TRIM37: variants seen among roughly 807,000 people sequenced by gnomAD.
The protein encoded by TRIM37 is tripartite motif containing 37.
In TRIM37, 80 loss-of-function variants were observed where a neutral mutation model predicts 129.8. That is an observed-to-expected ratio of 0.62 (90% CI 0.51 to 0.74). The LOEUF (loss-of-function observed/expected upper bound fraction) is 0.74. Among genes scored for constraint, TRIM37 ranks in the 30% least tolerant of loss-of-function variants. TRIM37 has a pLI of 0.00. For missense variants in TRIM37, 1,054 were observed against 1,176.5 expected (o/e 0.90, Z 1.52); for synonymous variants, 389 against 387.1 (o/e 1.00, Z -0.06).
intron 13 of TRIM37, among the ~76,000 whole-genome samples, chr17:59,052,697 G>A (rs1658063430): frequency 6.6e-6 from 1 of 152,104 alleles, no homozygotes; most frequent in South Asian, 2.1e-4. Context: ...GCTCACACCT[G>A]TAATCTTAGC....
At chr17:58,972,909 G>C in the TRIM37 span, 3 of 1,612,528 alleles carry the variant, frequency 1.9e-6, no homozygotes, top group African/African-American at 4.0e-5. Context: ...GAAGTCTGTC[G>C]GTTTCCAGAG....
intron 7 of TRIM37, among the ~76,000 whole-genome samples, chr17:59,076,997 A>G (rs1316295716): frequency 6.6e-6 from 1 of 152,186 alleles, no homozygotes; most frequent in Non-Finnish European, 1.5e-5. Flanking sequence ...CATGTTGGTC[A>G]GGCTGGTCTC....
At chr17:59,025,260 T>C (rs1388188642) in intron 19 of TRIM37, among the ~76,000 whole-genome samples, 2 of 151,998 alleles carry the variant, frequency 1.3e-5, no homozygotes, top group African/African-American at 4.8e-5. Flanking sequence ...TAATGACCTA[T>C]ATGTAAAAAA....
At chr17:59,031,136 C>G (rs1015974997) in intron 18 of TRIM37, among the ~76,000 whole-genome samples, 6 of 152,172 alleles carry the variant, frequency 3.9e-5, no homozygotes, top group African/African-American at 1.4e-4. Context: ...CACAGAGGTT[C>G]TGCCTTGGAC....
At chr17:58,978,908 G>C (rs1169904398), downstream of TRIM37, among the ~76,000 whole-genome samples, 1 of 152,120 alleles carries the variant, frequency 6.6e-6, no homozygotes, top group African/African-American at 2.4e-5. Flanking sequence ...TAGAAACCTA[G>C]TTTAGTGTGG....
intron 24 of TRIM37, among the ~76,000 whole-genome samples, chr17:58,989,926 C>T (rs770670712): frequency 2.0e-5 from 3 of 151,912 alleles, no homozygotes; most frequent in African/African-American, 7.3e-5. Context: ...TGGGTCACAC[C>T]TGTAACCCCA....
chr17:59,020,622 T>C (rs1318524374), intron 19 of TRIM37, among the ~76,000 whole-genome samples: 2 of 152,112 alleles, frequency 1.3e-5, no homozygotes, highest in Admixed American at 6.5e-5. Context: ...CTCAAACAAC[T>C]CTATAGGAAA....
At chr17:59,046,313 C>T (rs2039790879) in intron 16 of TRIM37, among the ~76,000 whole-genome samples, 1 of 152,088 alleles carries the variant, frequency 6.6e-6, no homozygotes, top group Admixed American at 6.5e-5. Context: ...GCGGATGCTA[C>T]CTCAACTAAG....
chr17:59,083,395 A>AG (rs758608198), intron 5 of TRIM37, among the ~76,000 whole-genome samples: 168 of 151,628 alleles, frequency 1.1e-3, no homozygotes, highest in Non-Finnish European at 2.0e-3. Context: ...CCGAGATCCC[A>AG]CCATTGCACT....
chr17:59,028,131 T>C (rs995369928), intron 19 of TRIM37, among the ~76,000 whole-genome samples: 5 of 152,240 alleles, frequency 3.3e-5, no homozygotes, highest in African/African-American at 1.2e-4. Context: ...CTTACTTGTC[T>C]ACACTTTTTA....
At chr17:59,090,274 A>G (rs1413817144) in intron 3 of TRIM37, among the ~76,000 whole-genome samples, 1 of 152,204 alleles carries the variant, frequency 6.6e-6, no homozygotes, top group Non-Finnish European at 1.5e-5. Flanking sequence ...AAAATGACTT[A>G]TGTATACATA....
chr17:59,034,000 G>A (rs977644236), intron 17 of TRIM37, among the ~76,000 whole-genome samples: 4 of 151,568 alleles, frequency 2.6e-5, no homozygotes, highest in African/African-American at 4.8e-5. Flanking sequence ...CCAGCTACTC[G>A]GGAGGCTGAG....
At chr17:59,091,730 G>A (rs1015810378) in intron 2 of TRIM37, among the ~76,000 whole-genome samples, 1 of 145,382 alleles carries the variant, frequency 6.9e-6, no homozygotes, top group African/African-American at 2.5e-5. Context: ...AAAAGTAACA[G>A]GCAATCTACT....
chr17:58,998,602 A>G lies in TRIM37; in HGVS notation c.*775T>C. 1 of 985,458 alleles carries G rather than the reference A, an allele frequency of 1.0e-6. No homozygotes were observed. Among genetic ancestry groups the G allele is most frequent in the Non-Finnish European group, 1.2e-6 (1 of 829,930 alleles). 61.0% of individuals were successfully genotyped at this position (985,458 alleles called of 1,614,324 possible). On this transcript the variant is annotated 3_prime_UTR_variant, in exon 24 of 24. Transcript: ENST00000262294. ...TGTACAACTAATGAAAATAAAGAAG[A>G]AAAGGGGGCTTTAAAATATTTGTTG...
chr17:59,004,062 T>C (rs1304295493), intron 22 of TRIM37, among the ~76,000 whole-genome samples: 1 of 151,998 alleles, frequency 6.6e-6, no homozygotes, highest in Non-Finnish European at 1.5e-5. Flanking sequence ...TGAGCTATGA[T>C]TGTACCACTG....
chr17:59,001,567 A>T, intron 23 of TRIM37, 31 bp downstream of exon 23: 1 of 1,613,334 alleles, frequency 6.2e-7, no homozygotes, highest in Admixed American at 1.7e-5. Flanking sequence ...TGGTTTTAGT[A>T]ATCTGTGTAA....
intron 19 of TRIM37, among the ~76,000 whole-genome samples, chr17:59,021,893 C>T (rs1189382124): frequency 6.6e-6 from 1 of 151,498 alleles, no homozygotes; most frequent in Non-Finnish European, 1.5e-5. Context: ...AATATATATA[C>T]CTACAATGTA....
At chr17:59,021,983 G>C (rs868043080) in intron 19 of TRIM37, among the ~76,000 whole-genome samples, 12 of 152,066 alleles carry the variant, frequency 7.9e-5, no homozygotes, top group South Asian at 2.1e-4. Flanking sequence ...GGCTGTTAAA[G>C]TTCTAACTCT....
chr17:59,062,693 G>GCCATTTCACAACAGTTT, intron 10 of TRIM37, 45 bp from the exon 11 acceptor site: 1 of 1,531,104 alleles, frequency 6.5e-7, no homozygotes, highest in Non-Finnish European at 9.0e-7. Flanking sequence ...CAAAACTGTT[G>GCCATTTCACAACAGTTT]TGAAATGGCA....
Sources: allele counts gnomAD v4.1 joint callset (sites outside exome capture counted in the v4.1 genomes callset), GRCh38; gene constraint gnomAD v4.1.1; transcripts MANE v1.5; gene names NCBI Gene and HGNC (gene_info 2026-07-23, HGNC 2026-07-21).